The following MTERF4 variants were observed in gnomAD, a reference collection of about 807,000 sequenced individuals.
MTERF4 encodes mitochondrial transcription termination factor 4, also known as transcription termination factor 4, mitochondrial.
MTERF4 carries 17 observed loss-of-function variants against 22.5 expected under a neutral mutation model. The observed-to-expected ratio is 0.75, with a 90% CI of 0.52 to 1.13. MTERF4 has a LOEUF of 1.13. Among genes scored for constraint, MTERF4 ranks in the 50% most tolerant of loss-of-function variants. The pLI is 0.00. For synonymous variants in MTERF4, 165 were observed against 175.3 expected (o/e 0.94, Z 0.47); for missense variants, 420 against 466.8 (o/e 0.90, Z 0.92).
chr2:241,064,849 G>T, the MTERF4 span: 8 of 1,585,454 alleles, frequency 5.0e-6, no homozygotes, highest in Non-Finnish European at 6.8e-6. The surrounding 1 kb of genome is among the most constrained non-coding windows in gnomAD (Gnocchi z 7.0). Context: ...CTCAGTGAGT[G>T]ACCCCTGCTT....
In MTERF4 at chr2:241,099,734, T is replaced by C. The variant is rs200007604; in HGVS notation, c.182A>G (p.Asn61Ser). The C allele has an allele frequency of 1.8e-5, 29 of 1,614,202 alleles. No homozygotes were observed. The East Asian group carries it at 2.7e-4, about 15-fold the overall frequency. ...VIEELSCVRS[N>S]NYVQEPECRR... ...GCACTCTGGTTCCTGCACATAGTTA[T>C]TGGATCTAACACAAGATAACTCCTC... The change falls in exon 2 of 4, where the codon AAT (asparagine) becomes AGT (serine). Residue 61 changes from asparagine to serine, a missense_variant. Asn to Ser is a conservative substitution (Grantham distance 46). Coordinates refer to ENST00000391980, the MANE Select transcript of MTERF4 (RefSeq NM_182501.4).
chr2:241,069,989 C>T (rs2062629918), downstream of MTERF4: 1 of 1,613,012 alleles, frequency 6.2e-7, no homozygotes, highest in African/African-American at 1.3e-5. This position sits in a 1 kb window ranked among gnomAD's most constrained non-coding sequence, Gnocchi z 4.9. Flanking sequence ...GTCTGGGATG[C>T]CCCGACTCCA....
the MTERF4 span, chr2:241,065,408 C>T: frequency 8.3e-5 from 134 of 1,613,160 alleles, no homozygotes; most frequent in African/African-American, 1.4e-3. Flanking sequence ...TTGATGGCTA[C>T]GCGGTCACCT....
chr2:241,054,063 C>T, the MTERF4 span, among the ~76,000 whole-genome samples: 5 of 152,202 alleles, frequency 3.3e-5, no homozygotes, highest in African/African-American at 7.2e-5. Flanking sequence ...CAAGGCCAAC[C>T]TGCGTGGTCT....
chr2:241,088,551 C>A, downstream of MTERF4: 1 of 673,580 alleles, frequency 1.5e-6, no homozygotes, highest in Non-Finnish European at 2.6e-6. Flanking sequence ...TACAGACTCC[C>A]GGGCAGGAAG....
downstream of MTERF4, chr2:241,093,624 T>C (rs1213592698): frequency 6.6e-6 from 1 of 151,876 alleles, no homozygotes; most frequent in African/African-American, 2.4e-5. Context: ...AGTGTTAGCT[T>C]AGAAGCCTTG....
chr2:241,051,830 TA>T, the MTERF4 span: 1 of 1,561,590 alleles, frequency 6.4e-7, no homozygotes, highest in South Asian at 1.2e-5. This position sits in a 1 kb window ranked among gnomAD's most constrained non-coding sequence, Gnocchi z 4.7. Context: ...CAGCTGCCCC[TA>T]CCGCTTCACT....
chr2:241,089,169 T>A (rs1253890436), downstream of MTERF4: 2 of 855,278 alleles, frequency 2.3e-6, no homozygotes, highest in Non-Finnish European at 3.5e-6. Context: ...CTACAACCTG[T>A]TACCAGTTTC....
chr2:241,082,365 G>T (rs765184259), downstream of MTERF4: 10 of 1,612,262 alleles, frequency 6.2e-6, no homozygotes, highest in Middle Eastern at 1.3e-3. Flanking sequence ...GTCACCACGT[G>T]TAAGTTGGTT....
downstream of MTERF4, chr2:241,067,750 TC>T (rs761902657): frequency 6.3e-7 from 1 of 1,593,642 alleles, no homozygotes; most frequent in Non-Finnish European, 8.6e-7. Context: ...TGCTGAACAG[TC>T]CATTCCCCCT....
At chr2:241,048,616 C>G in the MTERF4 span, 27 of 1,547,908 alleles carry the variant, frequency 1.7e-5, no homozygotes, top group Non-Finnish European at 2.4e-5. Context: ...AGGGTGCCAT[C>G]TTTCTGCGCC....
chr2:241,056,449 G>C, the MTERF4 span, among the ~76,000 whole-genome samples: 1 of 150,138 alleles, frequency 6.7e-6, no homozygotes. Context: ...TAACAAAATG[G>C]ATACAACAAA....
At chr2:241,067,768 C>T (rs2062523867), downstream of MTERF4, 1 of 1,606,422 alleles carries the variant, frequency 6.2e-7, no homozygotes, top group Non-Finnish European at 8.5e-7. Flanking sequence ...CCCTAGGACC[C>T]CGCCCTGTGG....
chr2:241,078,120 C>A (rs771545204), intron 4 of MTERF4, among the ~76,000 whole-genome samples: 1 of 152,142 alleles, frequency 6.6e-6, no homozygotes, highest in Non-Finnish European at 1.5e-5. Context: ...CGCGGTGGCT[C>A]ACGCCTGTAA....
At chr2:241,049,215 AGGCC>A in the MTERF4 span, 4 of 1,080,454 alleles carry the variant, frequency 3.7e-6, no homozygotes, top group South Asian at 5.5e-5. Context: ...AGGCAGGCAG[AGGCC>A]AGAGTCCCTA....
chr2:241,053,094 C>T, the MTERF4 span: 76 of 1,513,314 alleles, frequency 5.0e-5, 1 homozygote, highest in Non-Finnish European at 4.6e-5. Context: ...AGAGGCAGGG[C>T]GGTGGGGAGG....
chr2:241,080,381 C>G (rs1403226596), intron 4 of MTERF4, among the ~76,000 whole-genome samples: 1 of 152,066 alleles, frequency 6.6e-6, no homozygotes, highest in Non-Finnish European at 1.5e-5. Flanking sequence ...TTAAAGAAGC[C>G]TAATTTTCTA....
At chr2:241,077,741 C>T (rs955448208) in intron 4 of MTERF4, among the ~76,000 whole-genome samples, 4 of 152,098 alleles carry the variant, frequency 2.6e-5, no homozygotes, top group South Asian at 2.1e-4. Flanking sequence ...GTAATCACAC[C>T]GAAAAGATCC....
intron 4 of MTERF4, among the ~76,000 whole-genome samples, chr2:241,076,903 C>G (rs948382915): frequency 7.2e-5 from 11 of 152,122 alleles, no homozygotes; most frequent in Non-Finnish European, 1.5e-4. Flanking sequence ...CATGGTGAAA[C>G]CCCGTCTCTA....
Sources: gnomAD v4.1 joint callset for allele counts (sites outside exome capture counted in the v4.1 genomes callset) on GRCh38, gnomAD v4.1.1 for gene constraint, Gnocchi (gnomAD v3.1) non-coding constraint, MANE v1.5 for transcripts, NCBI Gene and HGNC (gene_info 2026-07-23, HGNC 2026-07-21) for gene names.